The following ZFPM2 variants were observed in gnomAD, a reference collection of about 807,000 sequenced individuals.
ZFPM2 encodes zinc finger protein ZFPM2.
ZFPM2 carries 20 observed loss-of-function variants against 98.6 expected under a neutral mutation model. The ratio of observed to expected loss-of-function variants is 0.20; its 90% CI spans 0.14 to 0.29. ZFPM2 has a LOEUF of 0.29. Ranked by LOEUF, ZFPM2 falls within the 10% of genes least tolerant of loss-of-function variation. The probability of loss-of-function intolerance (pLI) is 1.00; values close to 1 mark genes in which losing one functional copy is unlikely to be tolerated. For synonymous variants in ZFPM2, 518 were observed against 502.7 expected (o/e 1.03, Z -0.41); for missense variants, 1,310 against 1,388.6 (o/e 0.94, Z 0.90).
At position 105,533,878 on chromosome 8, in the gene ZFPM2, T is replaced by C. The variant is rs866156541; in HGVS notation, c.302-27485T>C. On this transcript the variant is annotated intron_variant, in intron 3 of 7. Transcript: ENST00000407775. ...CTTCCTCCCTTTCTCCCTCCCTCCC[T>C]TCTTTCCTTCCTTCCTTTCTTCCTA... Among the ~76,000 whole-genome samples, 28 of 12,254 alleles carry C rather than the reference T, an allele frequency of 2.3e-3. 3 individuals carry two copies. In the African/African-American group the frequency reaches 0.028, roughly 12 times the overall value. The allele number at this position is 12,254 out of a possible 152,430, so 8.0% of individuals were successfully genotyped here.
intron 3 of ZFPM2, among the ~76,000 whole-genome samples, chr8:105,559,582 T>C (rs1286361568): frequency 6.6e-6 from 1 of 152,190 alleles, no homozygotes; most frequent in African/African-American, 2.4e-5. Flanking sequence ...CAGATATAGA[T>C]AAATTTAAAT....
intron 3 of ZFPM2, among the ~76,000 whole-genome samples, chr8:105,552,045 AAATG>A (rs1279728639): frequency 6.6e-6 from 1 of 152,214 alleles, no homozygotes; most frequent in African/African-American, 2.4e-5. Context: ...ATAAATAAAT[AAATG>A]ATGTTGATTG....
chr8:105,482,892 T>G lies in ZFPM2; in HGVS notation c.301+38511T>G, dbSNP rs188320298. Reference sequence around the variant, plus strand: ...TTTAATCTTTCTTTCCTTCCTTCCTTCCTTCCTTCTTTCCTTCCTTCTTTA... The same window carrying G: ...TTTAATCTTTCTTTCCTTCCTTCCTGCCTTCCTTCTTTCCTTCCTTCTTTA... On this transcript the variant is annotated intron_variant, in intron 3 of 7. Transcript: ENST00000407775. Among the ~76,000 whole-genome samples, 221 of 93,992 alleles carry G rather than the reference T, an allele frequency of 2.4e-3. 2 individuals carry two copies. Among genetic ancestry groups the G allele is most frequent in the African/African-American group, 5.6e-3 (208 of 37,436 alleles). 61.7% of individuals were successfully genotyped at this position (93,992 alleles called of 152,430 possible).
chr8:105,354,004 C>G (rs979925093), intron 1 of ZFPM2, among the ~76,000 whole-genome samples: 1 of 152,092 alleles, frequency 6.6e-6, no homozygotes, highest in African/African-American at 2.4e-5. Context: ...CCTGGATCAT[C>G]GTTGTCCAGA....
At chr8:105,741,284 T>A (rs1280692590) in intron 5 of ZFPM2, among the ~76,000 whole-genome samples, 2 of 152,082 alleles carry the variant, frequency 1.3e-5, no homozygotes, top group Admixed American at 1.3e-4. Flanking sequence ...TCAGTTTCCA[T>A]GTAGTTGTGA....
At chr8:105,747,197 TC>T (rs1455458229) in intron 5 of ZFPM2, among the ~76,000 whole-genome samples, 2 of 152,054 alleles carry the variant, frequency 1.3e-5, no homozygotes, top group Non-Finnish European at 2.9e-5. Flanking sequence ...ACTTCACTGC[TC>T]CCCTTGCCAG....
chr8:105,709,931 G>A (rs542306362), intron 5 of ZFPM2, among the ~76,000 whole-genome samples: 1 of 152,258 alleles, frequency 6.6e-6, no homozygotes, highest in African/African-American at 2.4e-5. Flanking sequence ...AGGTTTAAAT[G>A]TATGCTAGCC....
intron 2 of ZFPM2, among the ~76,000 whole-genome samples, chr8:105,425,770 C>T (rs1471646561): frequency 6.6e-6 from 1 of 152,146 alleles, no homozygotes; most frequent in Non-Finnish European, 1.5e-5. Flanking sequence ...GCATTAATCC[C>T]TCCCTGCCCC....
intron 5 of ZFPM2, among the ~76,000 whole-genome samples, chr8:105,711,140 G>C (rs1487872911): frequency 6.6e-6 from 1 of 151,860 alleles, no homozygotes; most frequent in Admixed American, 6.6e-5. Context: ...ATTTTTAAAG[G>C]AGTTTAAAAA....
chr8:105,625,199 A>T lies in ZFPM2; in HGVS notation c.421-9047A>T, dbSNP rs1284539801. On this transcript the variant is annotated intron_variant, in intron 4 of 7. Transcript: ENST00000407775. ...TTCACATATTTTCTAATTTAGGAGT[A>T]TTCTTAATATCATTGAGCTTCAGTT... is the stretch of plus-strand genomic sequence containing the variant. Among the ~76,000 whole-genome samples, 4 of 152,218 alleles carry T rather than the reference A, an allele frequency of 2.6e-5. No individual in the cohort carries two copies. In the East Asian group the frequency reaches 7.7e-4, roughly 29 times the overall value.
intron 3 of ZFPM2, among the ~76,000 whole-genome samples, chr8:105,535,449 C>T (rs7010750): frequency 9.2e-5 from 14 of 152,196 alleles, no homozygotes; most frequent in African/African-American, 2.9e-4. Context: ...AAAACTCACT[C>T]GTATGTTGCA....
chr8:105,609,787 A>C (rs775631437), intron 4 of ZFPM2, among the ~76,000 whole-genome samples: 28 of 152,204 alleles, frequency 1.8e-4, no homozygotes, highest in Non-Finnish European at 3.5e-4. Context: ...TGAAACATAC[A>C]GCTCTTACTG....
intron 1 of ZFPM2, among the ~76,000 whole-genome samples, chr8:105,394,553 G>A (rs1811183984): frequency 6.6e-6 from 1 of 152,152 alleles, no homozygotes; most frequent in African/African-American, 2.4e-5. Context: ...GAGCTGAGTA[G>A]GTATAATGTA....
At chr8:105,721,411 A>T (rs533877384) in intron 5 of ZFPM2, among the ~76,000 whole-genome samples, 1 of 152,004 alleles carries the variant, frequency 6.6e-6, no homozygotes, top group African/African-American at 2.4e-5. Flanking sequence ...ATCATGATTC[A>T]TGTAGCCTTC....
Position 105,670,495 on chromosome 8 carries a change from CAAAAAAAAAAAAA to C in ZFPM2, c.532+36150_532+36162del, listed in dbSNP as rs1160128174. ...TGGGCGACAGAGCGAGAGTCCATCTCAAAAAAAAAAAAAAAAAAAAAAAAGCTGAAACTATACA... is the reference window on the plus strand; with the variant it reads ...TGGGCGACAGAGCGAGAGTCCATCTCAAAAAAAAAAAGCTGAAACTATACA... On this transcript the variant is annotated intron_variant, in intron 5 of 7. Transcript: ENST00000407775. Among the ~76,000 whole-genome samples the C allele has an allele frequency of 1.2e-4, 6 of 49,278 alleles. No individual in the cohort carries two copies. The East Asian group carries it at 5.0e-3, about 41-fold the overall frequency. 32.3% of individuals were successfully genotyped at this position (49,278 alleles called of 152,430 possible). A position where few individuals can be genotyped will look rare whatever the true frequency, so the allele number is the denominator to read the frequency against.
At chr8:105,737,564 G>A (rs142860757) in intron 5 of ZFPM2, 14 of 152,276 alleles carry the variant, frequency 9.2e-5, no homozygotes, top group African/African-American at 2.9e-4. Flanking sequence ...ACCTCAATCT[G>A]TTCCGACCTG....
chr8:105,381,584 C>G (rs573959855), intron 1 of ZFPM2, among the ~76,000 whole-genome samples: 18 of 152,042 alleles, frequency 1.2e-4, no homozygotes, highest in Non-Finnish European at 2.5e-4. Context: ...CCCCATAGTT[C>G]CCTCATTGCA....
intron 4 of ZFPM2, among the ~76,000 whole-genome samples, chr8:105,633,369 GA>G (rs1357133322): frequency 6.6e-6 from 1 of 152,134 alleles, no homozygotes; most frequent in African/African-American, 2.4e-5. Flanking sequence ...CGATAAAAGT[GA>G]ATGCCGGTTC....
intron 1 of ZFPM2, among the ~76,000 whole-genome samples, chr8:105,410,482 C>A (rs1226686351): frequency 6.6e-6 from 1 of 151,840 alleles, no homozygotes; most frequent in African/African-American, 2.4e-5. Context: ...AAATATAAAT[C>A]CATTCTGGAG....
Sources: gnomAD v4.1 joint callset for allele counts (sites outside exome capture counted in the v4.1 genomes callset) on GRCh38, gnomAD v4.1.1 for gene constraint, MANE v1.5 for transcripts, NCBI Gene and HGNC (gene_info 2026-07-23, HGNC 2026-07-21) for gene names.